Variants in MOB1A observed in about 807,000 individuals in gnomAD.
The protein encoded by MOB1A is MOB kinase activator 1A.
A neutral mutation model predicts 25.1 loss-of-function variants in MOB1A; 10 were observed. The ratio of observed to expected loss-of-function variants is 0.40; its 90% CI spans 0.25 to 0.68. The LOEUF (loss-of-function observed/expected upper bound fraction) is 0.68. Ranked by LOEUF, MOB1A falls within the 30% of genes least tolerant of loss-of-function variation. The probability of loss-of-function intolerance (pLI) is 0.40; values close to 1 mark genes in which losing one functional copy is unlikely to be tolerated. For synonymous variants in MOB1A, 81 were observed against 79.5 expected (o/e 1.02, Z -0.10); for missense variants, 177 against 256.3 (o/e 0.69, Z 2.11).
chr2:74,178,577 GC>G, intron 1 of MOB1A, 83 bp downstream of exon 1: 1 of 1,042,704 alleles, frequency 9.6e-7, no homozygotes, highest in Non-Finnish European at 1.3e-6. Context: ...CGGCCCCCAG[GC>G]CGAGCCCTCG....
At chr2:74,159,336 GTCAC>G in intron 4 of MOB1A, 82 bp from the exon 5 acceptor site, 2 of 1,273,592 alleles carry the variant, frequency 1.6e-6, no homozygotes, top group Admixed American at 4.1e-5. Flanking sequence ...GTCTCACTTT[GTCAC>G]TCAGGCAGTG....
intron 2 of MOB1A, among the ~76,000 whole-genome samples, chr2:74,168,019 G>C (rs1033752022): frequency 4.6e-5 from 7 of 152,150 alleles, no homozygotes; most frequent in Non-Finnish European, 1.0e-4. Context: ...CACACCTACA[G>C]TCCCAGCTAT....
At chr2:74,162,514 A>G (rs761401310) in intron 4 of MOB1A, among the ~76,000 whole-genome samples, 2 of 152,182 alleles carry the variant, frequency 1.3e-5, no homozygotes, top group South Asian at 2.1e-4. Context: ...GGATAAATCA[A>G]AAGAATTATT....
intron 2 of MOB1A, among the ~76,000 whole-genome samples, chr2:74,170,361 T>C (rs1465140880): frequency 1.3e-5 from 2 of 151,752 alleles, no homozygotes; most frequent in Admixed American, 1.3e-4. Context: ...ATGGTCTCAA[T>C]CTCCTGACCT....
At chr2:74,167,183 G>A in intron 2 of MOB1A, 76 bp from the exon 3 acceptor site, 1 of 1,097,686 alleles carries the variant, frequency 9.1e-7, no homozygotes, top group East Asian at 2.4e-5. Flanking sequence ...AGGAAAAACA[G>A]ACAATACATT....
chr2:74,155,092 T>C lies in MOB1A; in HGVS notation c.*1476A>G, dbSNP rs1297685892. On this transcript the variant is annotated 3_prime_UTR_variant, in exon 6 of 6. Coordinates refer to ENST00000396049, the MANE Select transcript of MOB1A (RefSeq NM_018221.5). ...AAAGCCATCGAGGAGGTTGGTAAAATACTTTGCAAAAATCACAGCTCTGAA... is the reference window on the plus strand; with the variant it reads ...AAAGCCATCGAGGAGGTTGGTAAAACACTTTGCAAAAATCACAGCTCTGAA... The C allele has an allele frequency of 6.6e-6, 1 of 152,168 alleles. No individual in the cohort carries two copies. The highest frequency in any genetic ancestry group is 1.5e-5 in the Non-Finnish European group (1 of 68,020). The allele number at this position is 152,168 out of a possible 1,614,324, so 9.4% of individuals were successfully genotyped here.
intron 1 of MOB1A, among the ~76,000 whole-genome samples, chr2:74,177,352 C>CA (rs1282833819): frequency 1.3e-5 from 2 of 150,770 alleles, no homozygotes; most frequent in South Asian, 2.1e-4. Flanking sequence ...AACTCCGTCT[C>CA]AAAAAATAAA....
chr2:74,169,415 C>A (rs1405015052), intron 2 of MOB1A, among the ~76,000 whole-genome samples: 4 of 152,094 alleles, frequency 2.6e-5, no homozygotes, highest in Admixed American at 2.6e-4. Flanking sequence ...GGTGGGAGAA[C>A]TGCTTGAAGC....
intron 1 of MOB1A, chr2:74,178,309 C>T: frequency 5.1e-6 from 1 of 197,352 alleles, no homozygotes; most frequent in African/African-American, 2.3e-5. Context: ...GTTAAGTCGG[C>T]AAGGACGGTT....
At chr2:74,178,409 T>C (rs1425164843) in intron 1 of MOB1A, 3 of 323,706 alleles carry the variant, frequency 9.3e-6, no homozygotes, top group Non-Finnish European at 1.7e-5. Flanking sequence ...GCGGAAAAGT[T>C]TGGAGGCGCG....
intron 2 of MOB1A, among the ~76,000 whole-genome samples, chr2:74,170,362 C>G (rs1404410391): frequency 2.0e-5 from 3 of 152,024 alleles, no homozygotes; most frequent in Non-Finnish European, 4.4e-5. Context: ...TGGTCTCAAT[C>G]TCCTGACCTC....
chr2:74,173,094 T>C (rs1693343047), intron 1 of MOB1A: 1 of 466,816 alleles, frequency 2.1e-6, no homozygotes, highest in Admixed American at 2.3e-5. Context: ...TGAAATCGCA[T>C]CACTGCACTC....
rs1176734715 is a variant in MOB1A, at chr2:74,153,076, T to G, written c.*3492A>C. On this transcript the variant is annotated 3_prime_UTR_variant, in exon 6 of 6. Transcript: ENST00000396049. The stretch of plus-strand genomic sequence containing the variant: ...CAATAGTAGAAACTAAATTCCCTTA[T>G]GGATCTCAGGGGGAAATAATGTGCC... 6.6e-6 allele frequency: 1 copy of G among 152,208 alleles called. No individual in the cohort carries two copies. The highest frequency in any genetic ancestry group is 6.5e-5 in the Admixed American group (1 of 15,284). 9.4% of individuals were successfully genotyped at this position (152,208 alleles called of 1,614,324 possible).
chr2:74,169,380 T>TA (rs1404942770), intron 2 of MOB1A, among the ~76,000 whole-genome samples: 5 of 152,018 alleles, frequency 3.3e-5, no homozygotes, highest in African/African-American at 1.2e-4. Context: ...CACATGCCTG[T>TA]AATCCCAGCT....
At chr2:74,169,830 T>C (rs1693235118) in intron 2 of MOB1A, among the ~76,000 whole-genome samples, 1 of 152,024 alleles carries the variant, frequency 6.6e-6, no homozygotes, top group Admixed American at 6.6e-5. Flanking sequence ...TGTTTCACCA[T>C]GTTGCCTAGG....
intron 5 of MOB1A, among the ~76,000 whole-genome samples, chr2:74,158,197 G>GA (rs1202210008): frequency 4.3e-5 from 3 of 70,328 alleles, no homozygotes; most frequent in Non-Finnish European, 7.3e-5. Context: ...AAAAAAAAGA[G>GA]GGGGGAAAAA....
intron 2 of MOB1A, among the ~76,000 whole-genome samples, chr2:74,170,294 C>T (rs1366309479): frequency 6.6e-6 from 1 of 151,900 alleles, no homozygotes; most frequent in African/African-American, 2.4e-5. Context: ...CGTGCCACCA[C>T]ACCTAGCTAA....
chr2:74,158,313 T>C (rs1379733899), intron 5 of MOB1A, among the ~76,000 whole-genome samples: 1 of 151,796 alleles, frequency 6.6e-6, no homozygotes, highest in African/African-American at 2.4e-5. Context: ...CATGGTACAG[T>C]ACACAAAACT....
intron 1 of MOB1A, among the ~76,000 whole-genome samples, chr2:74,177,434 G>GA (rs1042364986): frequency 1.2e-4 from 18 of 152,118 alleles, no homozygotes; most frequent in Admixed American, 1.2e-3. Context: ...CAACTCGTAA[G>GA]AAAAAAGTGG....
Sources: gnomAD v4.1 joint callset for allele counts (sites outside exome capture counted in the v4.1 genomes callset) on GRCh38, gnomAD v4.1.1 for gene constraint, MANE v1.5 for transcripts, NCBI Gene and HGNC (gene_info 2026-07-23, HGNC 2026-07-21) for gene names.